The following DDX50 variants were observed in gnomAD, a reference collection of about 807,000 sequenced individuals.
The protein encoded by DDX50 is DExD-box helicase 50, also known as ATP-dependent RNA helicase DDX50.
DDX50 carries 56 observed loss-of-function variants against 94.8 expected under a neutral mutation model. The ratio of observed to expected loss-of-function variants is 0.59; its 90% CI spans 0.48 to 0.74. The LOEUF is 0.74. DDX50 is among the 30% of genes least tolerant of loss of function. The pLI is 0.00. For synonymous variants in DDX50, 264 were observed against 295.4 expected, an observed-to-expected ratio of 0.89 and a Z score of 1.09; for missense variants, 713 against 881.2, an observed-to-expected ratio of 0.81 and a Z score of 2.42.
At chr10:68,925,950 G>T (rs1179056246) in intron 8 of DDX50, among the ~76,000 whole-genome samples, 3 of 149,440 alleles carry the variant, frequency 2.0e-5, no homozygotes, top group African/African-American at 7.4e-5. Flanking sequence ...GGAGGCAGAG[G>T]TTGCAGTGAG....
chr10:68,904,008 G>T (rs1402894709), intron 1 of DDX50, among the ~76,000 whole-genome samples: 2 of 151,416 alleles, frequency 1.3e-5, no homozygotes, highest in African/African-American at 4.9e-5. Context: ...GCTGGGCGTG[G>T]TGGCAGACGC....
Position 68,936,996 on chromosome 10 carries a change from G to A in DDX50, c.1656G>A (p.Leu552=), listed in dbSNP as rs116570019. 6.2e-7 allele frequency: 1 copy of A among 1,612,050 alleles called. No homozygotes were observed. The highest frequency in any genetic ancestry group is 2.2e-5 in the East Asian group (1 of 44,898). ...VDFFRPSAQR[L]IEEKGAVDAL... ...TTTTCCGACCATCAGCTCAGAGACT[G>A]ATAGAAGAGAAAGGTGCAGTGGATG... The change falls in exon 12 of 15, where the codon CTG becomes CTA. Residue 552 remains leucine, a synonymous_variant. Transcript: ENST00000373585.
At chr10:68,928,201 GC>G (rs1842139512) in intron 8 of DDX50, among the ~76,000 whole-genome samples, 1 of 152,072 alleles carries the variant, frequency 6.6e-6, no homozygotes, top group African/African-American at 2.4e-5. Flanking sequence ...TGTGGTCCAA[GC>G]TACTGAGGAG....
chr10:68,905,847 A>AGGCTGT (rs1240514756), intron 1 of DDX50, among the ~76,000 whole-genome samples: 2 of 152,214 alleles, frequency 1.3e-5, no homozygotes, highest in South Asian at 4.1e-4. Flanking sequence ...CGGGAGGCGG[A>AGGCTGT]GGCTGTAGTG....
intron 12 of DDX50, 112 bp downstream of exon 12, chr10:68,937,207 A>G: frequency 1.7e-6 from 2 of 1,157,366 alleles, no homozygotes; most frequent in Non-Finnish European, 2.3e-6. Flanking sequence ...GTTTTGCTCT[A>G]TGAGAAACTG....
At chr10:68,918,530 G>T (rs535341394) in intron 7 of DDX50, among the ~76,000 whole-genome samples, 91 of 150,380 alleles carry the variant, frequency 6.1e-4, no homozygotes, top group Non-Finnish European at 1.2e-3. Context: ...TCACCTCCCG[G>T]GTTCAAGCAA....
intron 12 of DDX50, among the ~76,000 whole-genome samples, chr10:68,938,605 A>T (rs912446614): frequency 6.6e-6 from 1 of 152,220 alleles, no homozygotes; most frequent in Admixed American, 6.5e-5. Context: ...CAAAAAGGGC[A>T]GGGCAGGTTC....
chr10:68,904,816 G>A (rs925873521), intron 1 of DDX50, among the ~76,000 whole-genome samples: 2 of 152,198 alleles, frequency 1.3e-5, no homozygotes, highest in Non-Finnish European at 2.9e-5. Flanking sequence ...ATGTGGTCTA[G>A]TGTAGTTAAC....
intron 7 of DDX50, among the ~76,000 whole-genome samples, chr10:68,918,578 G>A (rs1220059206): frequency 6.6e-6 from 1 of 151,788 alleles, no homozygotes; most frequent in East Asian, 1.9e-4. Flanking sequence ...TGGGACTACA[G>A]GTGCCCATGA....
Position 68,932,223 on chromosome 10 carries a change from T to C in DDX50, c.1240-1976T>C, listed in dbSNP as rs145565859. 2.2e-3 allele frequency among the ~76,000 whole-genome samples: 329 copies of C among 152,336 alleles called. 2 individuals carry two copies. The highest frequency in any genetic ancestry group is 7.6e-3 in the African/African-American group (314 of 41,568). On this transcript the variant is annotated intron_variant, in intron 8 of 14. Transcript: ENST00000373585. ...TCATGTATATGTTAAGCTATTTAGA[T>C]ACCAAGGCTGAAATACTGTTGGGGT...
chr10:68,944,600 G>T (rs1195526263), intron 14 of DDX50, among the ~76,000 whole-genome samples: 1 of 152,048 alleles, frequency 6.6e-6, no homozygotes, highest in Non-Finnish European at 1.5e-5. Context: ...AGGCTGCAGT[G>T]CAGTGGTGTG....
At chr10:68,901,680 C>G (rs1841291731) in intron 1 of DDX50, among the ~76,000 whole-genome samples, 1 of 152,208 alleles carries the variant, frequency 6.6e-6, no homozygotes, top group Non-Finnish European at 1.5e-5. Flanking sequence ...GGCTTTGGGC[C>G]TCTCCTCCGC....
In DDX50 at chr10:68,934,068, G is replaced by C. The variant is rs1375723802; in HGVS notation, c.1240-131G>C. The C allele has an allele frequency of 1.3e-6, 1 of 776,626 alleles. No individual in the cohort carries two copies. The highest frequency in any genetic ancestry group is 1.8e-6 in the Non-Finnish European group (1 of 547,672). The allele number at this position is 776,626 out of a possible 1,614,324, so 48.1% of individuals were successfully genotyped here. On this transcript the variant is annotated intron_variant, in intron 8 of 14. Coordinates refer to ENST00000373585, the MANE Select transcript of DDX50 (RefSeq NM_024045.2). The surrounding 1 kb of genome is among the most constrained non-coding windows in gnomAD (Gnocchi z 4.0). Reference sequence around the variant, plus strand: ...TCATGTTTGACTTTTTTTTTTTACAGTAAGCATGCATTGTTAAAATCATCA... The same window carrying C: ...TCATGTTTGACTTTTTTTTTTTACACTAAGCATGCATTGTTAAAATCATCA...
chr10:68,928,771 C>T (rs1034946454), intron 8 of DDX50, among the ~76,000 whole-genome samples: 5 of 152,178 alleles, frequency 3.3e-5, no homozygotes, highest in African/African-American at 1.2e-4. Context: ...ACTTTCTACA[C>T]TCCTATACCC....
At chr10:68,905,089 G>A (rs995082491) in intron 1 of DDX50, among the ~76,000 whole-genome samples, 2 of 152,146 alleles carry the variant, frequency 1.3e-5, no homozygotes, top group Non-Finnish European at 2.9e-5. Flanking sequence ...GCTAACTTTT[G>A]TATTTTTGTA....
intron 8 of DDX50, among the ~76,000 whole-genome samples, chr10:68,920,466 T>G (rs10998487): frequency 0.072 from 10,998 of 152,158 alleles, 523 homozygotes; most frequent in African/African-American, 0.13. Context: ...ACACCTGACC[T>G]CTATCAGATT....
At chr10:68,940,188 A>C (rs1234550712) in intron 12 of DDX50, among the ~76,000 whole-genome samples, 2 of 151,912 alleles carry the variant, frequency 1.3e-5, no homozygotes, top group Non-Finnish European at 2.9e-5. Flanking sequence ...CAGGGGTTCA[A>C]GACCAACCTG....
Position 68,936,065 on chromosome 10 carries a change from C to T in DDX50, c.1581C>T (p.Ser527=). 6.2e-7 allele frequency: 1 copy of T among 1,609,702 alleles called. No individual in the cohort carries two copies. Among genetic ancestry groups the T allele is most frequent in the South Asian group, 1.1e-5 (1 of 90,380 alleles). ...CAATGGATTTAGTTAAATCTAAAAG[C>T]ATGGATGCCATCAGGTATGCTTTCT... ...PSTMDLVKSK[S]MDAIRSLASV... Residue 527 remains serine, a synonymous_variant, in exon 11 of 15, where the codon AGC becomes AGT. Transcript: ENST00000373585.
intron 4 of DDX50, among the ~76,000 whole-genome samples, chr10:68,912,782 T>G (rs1463613251): frequency 1.3e-5 from 2 of 152,232 alleles, no homozygotes; most frequent in Non-Finnish European, 2.9e-5. Flanking sequence ...CTGTTTGAAG[T>G]GTAAGGAATA....
Sources: allele counts gnomAD v4.1 joint callset (sites outside exome capture counted in the v4.1 genomes callset), GRCh38; gene constraint gnomAD v4.1.1; non-coding constraint Gnocchi (gnomAD v3.1); transcripts MANE v1.5; gene names NCBI Gene and HGNC (gene_info 2026-07-23, HGNC 2026-07-21).